Variants in LARS1 observed in about 807,000 individuals in gnomAD.
The protein encoded by LARS1 is leucyl-tRNA synthetase 1, also known as leucine--tRNA ligase, cytoplasmic.
A neutral mutation model predicts 162.8 loss-of-function variants in LARS1; 100 were observed. The ratio of observed to expected loss-of-function variants is 0.61; its 90% CI spans 0.52 to 0.73. The LOEUF is 0.73. Among genes scored for constraint, LARS1 ranks in the 30% least tolerant of loss-of-function variants. The pLI is 0.00. For synonymous variants in LARS1, 457 were observed against 462.8 expected (o/e 0.99, Z 0.16); for missense variants, 1,258 against 1,408.9 (o/e 0.89, Z 1.71).
chr5:146,149,798 C>T (rs1261450102), intron 14 of LARS1, 99 bp from the exon 15 acceptor site: 4 of 806,150 alleles, frequency 5.0e-6, no homozygotes, highest in Non-Finnish European at 6.3e-6. Flanking sequence ...CTTCTGCCCA[C>T]CGAAATATTT....
At chr5:146,122,352 T>C in intron 30 of LARS1, 140 bp downstream of exon 30, 1 of 519,060 alleles carries the variant, frequency 1.9e-6, no homozygotes, top group South Asian at 3.2e-5. Flanking sequence ...TAACACTCTA[T>C]GGGGTCTACA....
Position 146,161,291 on chromosome 5 carries a change from T to C in LARS1, c.595-805A>G, listed in dbSNP as rs894386227. ...GCTGCTGACTGATGAGAGAAGTGGC[T>C]ACTGAAGGTTGTGATGGCTATGGCA... On this transcript the variant is annotated intron_variant, in intron 6 of 31. Coordinates refer to ENST00000394434, the MANE Select transcript of LARS1 (RefSeq NM_020117.11). Among the ~76,000 whole-genome samples the C allele has an allele frequency of 2.0e-5, 3 of 152,232 alleles. No homozygotes were observed. The South Asian group carries it at 6.2e-4, about 31-fold the overall frequency.
At chr5:146,150,942 GACACACACACACACAC>G (rs3995492) in intron 14 of LARS1, among the ~76,000 whole-genome samples, 6 of 134,902 alleles carry the variant, frequency 4.4e-5, no homozygotes, top group South Asian at 2.5e-4. Context: ...CCGTCAGATA[GACACACACACACACAC>G]ACACACACAC....
intron 15 of LARS1, among the ~76,000 whole-genome samples, chr5:146,147,197 C>G (rs1753049171): frequency 6.6e-6 from 1 of 152,058 alleles, no homozygotes; most frequent in African/African-American, 2.4e-5. Context: ...TTTTTACACC[C>G]AAATATATTA....
intron 5 of LARS1, among the ~76,000 whole-genome samples, chr5:146,166,098 C>T (rs986109029): frequency 6.6e-6 from 1 of 152,068 alleles, no homozygotes; most frequent in Non-Finnish European, 1.5e-5. Flanking sequence ...AGTGATACCC[C>T]CAGGCAATGA....
rs933708599 is a variant in LARS1 at position 146,173,350 on chromosome 5, C to CA, written c.126-577dup. Among the ~76,000 whole-genome samples the CA allele has an allele frequency of 1.6e-3, 224 of 135,764 alleles. 2 individuals are homozygous for CA. The Middle Eastern group carries it at 0.027, about 16-fold the overall frequency. The allele number at this position is 135,764 out of a possible 152,430, so 89.1% of individuals were successfully genotyped here. On this transcript the variant is annotated intron_variant, in intron 2 of 31. Coordinates refer to ENST00000394434, the MANE Select transcript of LARS1 (RefSeq NM_020117.11). ...CCTGGGCGAAAATGAGACTCCATCT[C>CA]AAAAAAAAAAAAATTCTTTAATACC...
intron 6 of LARS1, among the ~76,000 whole-genome samples, chr5:146,163,642 C>T (rs1239550149): frequency 6.6e-6 from 1 of 152,120 alleles, no homozygotes; most frequent in East Asian, 1.9e-4. Context: ...GCCGAGATCA[C>T]ACCACTGCAC....
chr5:146,145,631 C>A (rs1021270970), intron 15 of LARS1, among the ~76,000 whole-genome samples: 7 of 152,092 alleles, frequency 4.6e-5, no homozygotes, highest in Non-Finnish European at 1.0e-4. Context: ...TCTCTTAATG[C>A]TATGATGATC....
chr5:146,177,392 G>C lies in LARS1; in HGVS notation c.125+155C>G, dbSNP rs532551364. On this transcript the variant is annotated intron_variant, in intron 2 of 31. Transcript: ENST00000394434. Reference sequence around the variant, plus strand: ...GAGGCAGGAGAATGGCATGAACCTGGGAGGCGGAGCTTGCAGTGAGCCGAG... The same window carrying C: ...GAGGCAGGAGAATGGCATGAACCTGCGAGGCGGAGCTTGCAGTGAGCCGAG... 1.8e-4 allele frequency among the ~76,000 whole-genome samples: 26 copies of C among 148,506 alleles called. No individual in the cohort carries two copies. In the East Asian group the frequency reaches 5.2e-3, roughly 30 times the overall value.
chr5:146,120,481 A>G lies in LARS1; in HGVS notation c.3215T>C (p.Val1072Ala). 1 of 1,613,092 alleles carries G rather than the reference A, an allele frequency of 6.2e-7. No homozygotes were observed. Residue 1072 changes from valine to alanine, a missense_variant, in exon 31 of 32, where the codon GTG becomes GCG. By Grantham distance (64) the Val-to-Ala change is moderately conservative. Coordinates refer to ENST00000394434, the MANE Select transcript of LARS1 (RefSeq NM_020117.11). ...GTGGCCATTGGATGGCTGGGGATTC[A>G]CCAGAGAAACGGACACACCAGGCTA... ...RIEPGVSVSL[V>A]NPQPSNGHFS...
intron 27 of LARS1, among the ~76,000 whole-genome samples, chr5:146,126,781 T>G (rs542094117): frequency 3.9e-5 from 6 of 152,240 alleles, no homozygotes; most frequent in Admixed American, 3.3e-4. Context: ...GAAAAAGAAG[T>G]GATTTGTGTT....
At chr5:146,153,128 T>C in intron 13 of LARS1, 46 bp downstream of exon 13, 1 of 1,415,120 alleles carries the variant, frequency 7.1e-7, no homozygotes, top group Non-Finnish European at 9.9e-7. Flanking sequence ...TCTTTTTCTC[T>C]GATAAAGAGA....
At chr5:146,149,863 GGATA>G (rs1753196667) in intron 14 of LARS1, among the ~76,000 whole-genome samples, 164 bp from the exon 15 acceptor site, 1 of 152,032 alleles carries the variant, frequency 6.6e-6, no homozygotes, top group Non-Finnish European at 1.5e-5. Context: ...GGTATAGCAT[GGATA>G]ACTAATATTT....
intron 15 of LARS1, among the ~76,000 whole-genome samples, chr5:146,145,024 T>C (rs1752952583): frequency 6.6e-6 from 1 of 152,130 alleles, no homozygotes; most frequent in South Asian, 2.1e-4. Context: ...TCGAATCCTA[T>C]GGTTTGAAGG....
intron 29 of LARS1, 111 bp from the exon 30 acceptor site, chr5:146,122,698 G>T: frequency 2.0e-6 from 1 of 496,338 alleles, no homozygotes; most frequent in Non-Finnish European, 3.6e-6. Flanking sequence ...AACATGAAAT[G>T]GTCTGTGCAA....
At chr5:146,163,635 G>A (rs999462118) in intron 6 of LARS1, among the ~76,000 whole-genome samples, 1 of 151,482 alleles carries the variant, frequency 6.6e-6, no homozygotes. Context: ...GCCGTGAGCC[G>A]AGATCACACC....
At chr5:146,125,169 C>T (rs1193285220) in intron 28 of LARS1, among the ~76,000 whole-genome samples, 1 of 151,984 alleles carries the variant, frequency 6.6e-6, no homozygotes, top group African/African-American at 2.4e-5. Context: ...AGAGATTTGG[C>T]ATTATGACCA....
chr5:146,179,284 C>T (rs1334715801), intron 1 of LARS1, among the ~76,000 whole-genome samples: 1 of 152,114 alleles, frequency 6.6e-6, no homozygotes, highest in Non-Finnish European at 1.5e-5. Context: ...GCCTCAGCCT[C>T]CCGAGCAGCT....
chr5:146,133,149 G>T, intron 22 of LARS1, 68 bp from the exon 23 acceptor site: 1 of 1,361,114 alleles, frequency 7.3e-7, no homozygotes, highest in Non-Finnish European at 1.0e-6. Flanking sequence ...TGTCCTATGT[G>T]TCCAGTTGGA....
Sources: allele counts gnomAD v4.1 joint callset (sites outside exome capture counted in the v4.1 genomes callset), GRCh38; gene constraint gnomAD v4.1.1; transcripts MANE v1.5; gene names NCBI Gene and HGNC (gene_info 2026-07-23, HGNC 2026-07-21).